Variants in PRKAR1A observed in about 807,000 individuals in gnomAD.
PRKAR1A encodes protein kinase cAMP-dependent type I regulatory subunit alpha, also known as cAMP-dependent protein kinase type I-alpha regulatory subunit.
PRKAR1A carries 3 observed loss-of-function variants against 52.0 expected under a neutral mutation model. That is an observed-to-expected ratio of 0.06 (90% CI 0.03 to 0.15). The LOEUF is 0.15. Among genes scored for constraint, PRKAR1A ranks in the 10% least tolerant of loss-of-function variants. The probability of loss-of-function intolerance (pLI) is 1.00; values close to 1 mark genes in which losing one functional copy is unlikely to be tolerated. For missense variants in PRKAR1A, 240 were observed against 477.4 expected (o/e 0.50, Z 4.63); for synonymous variants, 188 against 168.4 (o/e 1.12, Z -0.90).
chr17:68,550,369 CTTTTTTTTTT>C lies in PRKAR1A; in HGVS notation c.974-697_974-688del, dbSNP rs747654899. ...CTTTCACATAGGAAAAATGGGGGAA[CTTTTTTTTTT>C]TTTTTTTTTTTTTTTTTAAGATAGA... is the stretch of plus-strand genomic sequence containing the variant. On this transcript the variant is annotated intron_variant, in intron 11 of 11. Coordinates refer to the PRKAR1A transcript ENST00000585981. Among the ~76,000 whole-genome samples, 6 of 79,388 alleles carry C rather than the reference CTTTTTTTTTT, an allele frequency of 7.6e-5. No homozygotes were observed. In the South Asian group the frequency reaches 2.9e-3, roughly 39 times the overall value. 52.1% of individuals were successfully genotyped at this position (79,388 alleles called of 152,430 possible). A position where few individuals can be genotyped will look rare whatever the true frequency, so the allele number is the denominator to read the frequency against.
At chr17:68,458,353 G>A in the PRKAR1A span, among the ~76,000 whole-genome samples, 2 of 152,172 alleles carry the variant, frequency 1.3e-5, no homozygotes, top group African/African-American at 4.8e-5. Context: ...CTGCTTTCAA[G>A]ACCTGTGCAC....
At chr17:68,456,204 A>G in the PRKAR1A span, among the ~76,000 whole-genome samples, 2 of 152,252 alleles carry the variant, frequency 1.3e-5, no homozygotes, top group African/African-American at 2.4e-5. Flanking sequence ...GAGCTACTCG[A>G]TTACATGATT....
the PRKAR1A span, chr17:68,429,006 A>G: frequency 1.3e-5 from 15 of 1,177,890 alleles, no homozygotes; most frequent in Non-Finnish European, 1.6e-5. Flanking sequence ...CCAATGACAA[A>G]GCCCCCCTCA....
the PRKAR1A span, among the ~76,000 whole-genome samples, chr17:68,461,820 G>A: frequency 6.6e-6 from 1 of 152,138 alleles, no homozygotes; most frequent in African/African-American, 2.4e-5. This position sits in a 1 kb window ranked among gnomAD's most constrained non-coding sequence, Gnocchi z 4.6. Flanking sequence ...ATGGTGCCAG[G>A]GTAGAAGAGG....
At chr17:68,527,941 A>T (rs752047742) in intron 8 of PRKAR1A, 41 bp downstream of exon 8, 2 of 1,509,468 alleles carry the variant, frequency 1.3e-6, no homozygotes, top group Non-Finnish European at 1.8e-6. Context: ...TATGTGAGAT[A>T]CCCCTGAATT....
chr17:68,423,903 T>C, the PRKAR1A span, among the ~76,000 whole-genome samples: 1 of 152,228 alleles, frequency 6.6e-6, no homozygotes, highest in Non-Finnish European at 1.5e-5. The surrounding 1 kb of genome is among the most constrained non-coding windows in gnomAD (Gnocchi z 4.4). Context: ...TAATATTTTA[T>C]AGTAGTTACA....
chr17:68,503,459 A>G, the PRKAR1A span, among the ~76,000 whole-genome samples: 2 of 152,238 alleles, frequency 1.3e-5, no homozygotes, highest in Non-Finnish European at 2.9e-5. Flanking sequence ...CCTTTAGTAA[A>G]TATGGATAAA....
At chr17:68,488,739 A>T in the PRKAR1A span, among the ~76,000 whole-genome samples, 6 of 150,408 alleles carry the variant, frequency 4.0e-5, no homozygotes, top group East Asian at 1.2e-3. Flanking sequence ...CAAAACAAAA[A>T]AAAAAAAAAA....
intron 11 of PRKAR1A, chr17:68,542,776 C>T (rs748466988): frequency 6.2e-7 from 1 of 1,614,140 alleles, no homozygotes; most frequent in African/African-American, 1.3e-5. Context: ...CTATCCTCCC[C>T]ACTGTTGGCG....
chr17:68,513,487 T>C (rs1279934530), intron 1 of PRKAR1A, among the ~76,000 whole-genome samples: 1 of 152,236 alleles, frequency 6.6e-6, no homozygotes, highest in East Asian at 1.9e-4. Flanking sequence ...AATGTAATCC[T>C]TTCGAAACAA....
At chr17:68,432,570 C>T in the PRKAR1A span, among the ~76,000 whole-genome samples, 1 of 152,100 alleles carries the variant, frequency 6.6e-6, no homozygotes, top group African/African-American at 2.4e-5. Flanking sequence ...TGCCCGGCCT[C>T]TGTCATGTAT....
At chr17:68,541,977 C>G in intron 11 of PRKAR1A, 1 of 1,611,810 alleles carries the variant, frequency 6.2e-7, no homozygotes, top group South Asian at 1.1e-5. Context: ...GCCTGGGGAC[C>G]AACTCACTCC....
chr17:68,521,091 G>C (rs2085590991), intron 2 of PRKAR1A, among the ~76,000 whole-genome samples: 1 of 152,086 alleles, frequency 6.6e-6, no homozygotes, highest in African/African-American at 2.4e-5. Context: ...ACAGGTGCCT[G>C]CCACCACACC....
chr17:68,475,913 G>C, the PRKAR1A span, among the ~76,000 whole-genome samples: 1 of 151,868 alleles, frequency 6.6e-6, no homozygotes, highest in Non-Finnish European at 1.5e-5. Context: ...TTTTGTTATT[G>C]TTGTTCTCTT....
chr17:68,466,990 A>G, the PRKAR1A span, among the ~76,000 whole-genome samples: 1 of 152,158 alleles, frequency 6.6e-6, no homozygotes, highest in Non-Finnish European at 1.5e-5. Context: ...TCTATTCTGG[A>G]TATCTCATAT....
chr17:68,504,661 G>C, the PRKAR1A span, among the ~76,000 whole-genome samples: 3 of 152,208 alleles, frequency 2.0e-5, no homozygotes, highest in Non-Finnish European at 2.9e-5. Context: ...TGGAGATAGA[G>C]AGCAGAAGGA....
the PRKAR1A span, among the ~76,000 whole-genome samples, chr17:68,501,944 CT>C: frequency 3.9e-5 from 6 of 152,208 alleles, no homozygotes. Context: ...TGAGTCCTTC[CT>C]GTCTCCTCCT....
chr17:68,478,444 T>C, the PRKAR1A span, among the ~76,000 whole-genome samples: 1 of 152,130 alleles, frequency 6.6e-6, no homozygotes, highest in Non-Finnish European at 1.5e-5. Context: ...GAGTGAGACT[T>C]CGTCTCAAAA....
chr17:68,436,568 A>G, the PRKAR1A span: 1 of 1,183,994 alleles, frequency 8.4e-7, no homozygotes, highest in Non-Finnish European at 1.2e-6. Flanking sequence ...GTACAGCTAC[A>G]GTGCCACCTA....
Sources: allele counts gnomAD v4.1 joint callset (sites outside exome capture counted in the v4.1 genomes callset), GRCh38; gene constraint gnomAD v4.1.1; non-coding constraint Gnocchi (gnomAD v3.1); transcripts MANE v1.5; gene names NCBI Gene and HGNC (gene_info 2026-07-23, HGNC 2026-07-21).